The following ZBBX variants were observed in gnomAD, a reference collection of about 807,000 sequenced individuals.
ZBBX encodes the protein zinc finger B-box domain containing.
Under a neutral mutation model 108.5 loss-of-function variants are expected in ZBBX, and 101 were observed. That is an observed-to-expected ratio of 0.93 (90% CI 0.79 to 1.10). The LOEUF (loss-of-function observed/expected upper bound fraction) is 1.10, where lower values mean the gene tolerates loss of function less well. Ranked by LOEUF, ZBBX falls within the 50% of genes least tolerant of loss-of-function variation. ZBBX has a pLI of 0.00. For missense variants in ZBBX, 1,009 were observed against 941.4 expected, an observed-to-expected ratio of 1.07 and a Z score of -0.94; for synonymous variants, 356 against 323.4, an observed-to-expected ratio of 1.10 and a Z score of -1.08.
At chr3:167,225,236 G>A in the ZBBX span, among the ~76,000 whole-genome samples, 8 of 151,828 alleles carry the variant, frequency 5.3e-5, no homozygotes, top group African/African-American at 1.7e-4. Context: ...GTTTACTGCT[G>A]CTGCCATGAG....
intron 1 of ZBBX, among the ~76,000 whole-genome samples, chr3:167,388,769 G>C (rs1014323134): frequency 6.6e-6 from 1 of 151,910 alleles, no homozygotes; most frequent in Non-Finnish European, 1.5e-5. Context: ...AAATGACCCA[G>C]CTCCTGCCAT....
chr3:167,215,321 A>T, the ZBBX span, among the ~76,000 whole-genome samples: 3,756 of 152,246 alleles, frequency 0.025, 170 homozygotes, highest in African/African-American at 0.086. Flanking sequence ...CATAGAAATA[A>T]AAACAATCAT....
chr3:167,282,471 G>A lies in ZBBX; in HGVS notation c.2021C>T (p.Thr674Ile), dbSNP rs780646010. ...AGAGTTGGAAAGTGGAAAATTTGCT[G>A]TTGAAGGTCTCTGTGATTTCTGACC... Reference protein sequence around the residue: ...KMGQKSQRPSTANFPLSNSVK... With the variant: ...KMGQKSQRPSIANFPLSNSVK... Residue 674 changes from threonine (T) to isoleucine (I), a missense_variant, in exon 20 of 22, where the codon ACA becomes ATA. Thr to Ile is a moderately conservative substitution (Grantham distance 89). Transcript: ENST00000675490. The A allele has an allele frequency of 5.6e-6, 9 of 1,610,532 alleles. No individual in the cohort carries two copies. The highest frequency in any genetic ancestry group is 2.2e-5 in the East Asian group (1 of 44,850).
chr3:167,204,378 C>T, the ZBBX span, among the ~76,000 whole-genome samples: 1 of 147,730 alleles, frequency 6.8e-6, no homozygotes, highest in Non-Finnish European at 1.5e-5. Context: ...TGTCCCAATG[C>T]TATCCCTCCC....
At chr3:167,214,209 C>T in the ZBBX span, among the ~76,000 whole-genome samples, 1 of 152,084 alleles carries the variant, frequency 6.6e-6, no homozygotes, top group Admixed American at 6.6e-5. Flanking sequence ...ACTTAAAAGA[C>T]ACAGAGTGGC....
At chr3:167,309,014 G>A (rs1294797358) in intron 16 of ZBBX, among the ~76,000 whole-genome samples, 1 of 152,204 alleles carries the variant, frequency 6.6e-6, no homozygotes, top group Non-Finnish European at 1.5e-5. Context: ...ACATCTGGAA[G>A]TTATCACCTG....
chr3:167,251,925 A>AACACACACACACACACACAC lies in ZBBX; in HGVS notation c.2255-9302_2255-9283dup, dbSNP rs3221849. ...CGATTCATCATGATGTTGTGCCTGC[A>AACACACACACACACACACAC]ACACACACACACACACACACACACA... On this transcript the variant is annotated intron_variant, in intron 20 of 21. Transcript: ENST00000675490. 3.5e-3 allele frequency among the ~76,000 whole-genome samples: 502 copies of AACACACACACACACACACAC among 143,802 alleles called. 7 individuals are homozygous for AACACACACACACACACACAC. Among genetic ancestry groups the AACACACACACACACACACAC allele is most frequent in the African/African-American group, 0.012 (471 of 37,842 alleles). 94.3% of individuals were successfully genotyped at this position (143,802 alleles called of 152,430 possible).
intron 16 of ZBBX, among the ~76,000 whole-genome samples, chr3:167,310,243 G>A (rs1734349075): frequency 6.6e-6 from 1 of 152,112 alleles, no homozygotes; most frequent in East Asian, 1.9e-4. Context: ...ATCACTATAA[G>A]CATTTTGGTC....
At chr3:167,253,828 T>TA (rs1440381110) in intron 20 of ZBBX, among the ~76,000 whole-genome samples, 3 of 151,034 alleles carry the variant, frequency 2.0e-5, no homozygotes, top group African/African-American at 7.3e-5. Context: ...GTGAAAAAAA[T>TA]AAAAAACATA....
chr3:167,277,399 G>A (rs1727807877), intron 20 of ZBBX, among the ~76,000 whole-genome samples: 1 of 152,150 alleles, frequency 6.6e-6, no homozygotes, highest in South Asian at 2.1e-4. Flanking sequence ...AAAGGATAGA[G>A]GAAGATCTAC....
In ZBBX at chr3:167,372,164, C is replaced by T. The variant is rs1746258056; in HGVS notation, c.68+670G>A. On this transcript the variant is annotated intron_variant, in intron 4 of 21. Transcript: ENST00000675490. Reference sequence around the variant, plus strand: ...AGGTGGAGGTTGCAGTGAGCCGAGACCGTGCCAGTGCACTCCAGCCTGGGT... The same window carrying T: ...AGGTGGAGGTTGCAGTGAGCCGAGATCGTGCCAGTGCACTCCAGCCTGGGT... Among the ~76,000 whole-genome samples the T allele has an allele frequency of 1.3e-5, 2 of 152,002 alleles. 1 individual carries two copies. Among genetic ancestry groups the T allele is most frequent in the South Asian group, 4.2e-4 (2 of 4,812 alleles).
intron 20 of ZBBX, among the ~76,000 whole-genome samples, chr3:167,243,612 G>T (rs898251294): frequency 3.9e-5 from 6 of 151,982 alleles, no homozygotes; most frequent in African/African-American, 1.5e-4. Flanking sequence ...TGGTCAGGCT[G>T]CTCTTGAACT....
chr3:167,355,201 G>A (rs1034169463), intron 8 of ZBBX, among the ~76,000 whole-genome samples: 3 of 151,918 alleles, frequency 2.0e-5, no homozygotes, highest in Non-Finnish European at 4.4e-5. Context: ...TTTGGGCTTC[G>A]TCTTTGCCAT....
intron 18 of ZBBX, among the ~76,000 whole-genome samples, chr3:167,295,736 TATATATATATATATATATATATAAAA>T (rs1310461112): frequency 0.057 from 1,347 of 23,438 alleles, 123 homozygotes; most frequent in Non-Finnish European, 0.075. Flanking sequence ...TATATATATA[TATATATATATATATATATATATAAAA>T]AAAACTAGTA....
At chr3:167,211,218 T>C in the ZBBX span, among the ~76,000 whole-genome samples, 1,092 of 152,216 alleles carry the variant, frequency 7.2e-3, 6 homozygotes, top group African/African-American at 0.025. Flanking sequence ...AAACCACACC[T>C]CTCTTGCAGA....
chr3:167,367,879 G>A (rs1745559033), intron 5 of ZBBX, among the ~76,000 whole-genome samples: 2 of 148,764 alleles, frequency 1.3e-5, no homozygotes, highest in Admixed American at 1.3e-4. Flanking sequence ...ATATTAGAAA[G>A]TTCTCATTAA....
chr3:167,358,170 T>TAATAA (rs1284975670), intron 8 of ZBBX, among the ~76,000 whole-genome samples: 1 of 151,354 alleles, frequency 6.6e-6, no homozygotes, highest in Non-Finnish European at 1.5e-5. Flanking sequence ...AGTATAATAA[T>TAATAA]AATAAAATAA....
intron 14 of ZBBX, among the ~76,000 whole-genome samples, chr3:167,316,347 C>A (rs997111071): frequency 2.0e-5 from 3 of 152,112 alleles, no homozygotes; most frequent in African/African-American, 7.2e-5. Flanking sequence ...GTTCTCCATT[C>A]TAGTCATTTT....
chr3:167,255,062 T>C (rs1369528341), intron 20 of ZBBX, among the ~76,000 whole-genome samples: 1 of 151,962 alleles, frequency 6.6e-6, no homozygotes, highest in African/African-American at 2.4e-5. Context: ...GCCATCTAAA[T>C]AGAAATGTAG....
Sources: gnomAD v4.1 joint callset for allele counts (sites outside exome capture counted in the v4.1 genomes callset) on GRCh38, gnomAD v4.1.1 for gene constraint, MANE v1.5 for transcripts, NCBI Gene and HGNC (gene_info 2026-07-23, HGNC 2026-07-21) for gene names.